DYNC2I1: variants seen among roughly 807,000 people sequenced by gnomAD.
DYNC2I1 encodes dynein 2 intermediate chain 1.
In DYNC2I1, 89 loss-of-function variants were observed where a neutral mutation model predicts 133.4. That is an observed-to-expected ratio of 0.67 (90% CI 0.56 to 0.80). DYNC2I1 has a LOEUF of 0.80. Among genes scored for constraint, DYNC2I1 ranks in the 30% least tolerant of loss-of-function variants. DYNC2I1 has a pLI of 0.00. For synonymous variants in DYNC2I1, 504 were observed against 484.3 expected (o/e 1.04, Z -0.54); for missense variants, 1,291 against 1,314.5 (o/e 0.98, Z 0.28).
At chr7:158,856,800 C>T in intron 1 of DYNC2I1, 50 bp downstream of exon 1, 2 of 1,231,158 alleles carry the variant, frequency 1.6e-6, no homozygotes, top group Non-Finnish European at 2.0e-6. Flanking sequence ...TTCGCGGACT[C>T]CTTCGGGCGC....
In DYNC2I1 at chr7:158,856,757, G is replaced by A; in HGVS notation, c.15+7G>A. On this transcript the variant is annotated splice_region_variant and intron_variant, in intron 1 of 24. Transcript: ENST00000407559. ...AGCGATGGAGCCCGGGAAGGTCGGT[G>A]CGGCGCTGGGTCTGGGCGAGGGGTG... The A allele has an allele frequency of 8.1e-7, 1 of 1,234,724 alleles. No individual in the cohort carries two copies. The highest frequency in any genetic ancestry group is 1.0e-6 in the Non-Finnish European group (1 of 986,902). 76.5% of individuals were successfully genotyped at this position (1,234,724 alleles called of 1,614,324 possible). A position where few individuals can be genotyped will look rare whatever the true frequency, so the allele number is the denominator to read the frequency against.
intron 14 of DYNC2I1, 21 bp from the exon 15 acceptor site, chr7:158,918,719 C>T (rs1848726964): frequency 1.2e-6 from 2 of 1,610,460 alleles, no homozygotes; most frequent in East Asian, 2.2e-5. Context: ...TTATTAAAGA[C>T]TACTCACTTA....
intron 19 of DYNC2I1, among the ~76,000 whole-genome samples, chr7:158,926,714 A>G (rs1849665544): frequency 6.6e-6 from 1 of 152,234 alleles, no homozygotes; most frequent in African/African-American, 2.4e-5. Context: ...TGAGAAGGGA[A>G]CAAAATGTTA....
At chr7:158,858,212 T>G (rs374209093) in intron 1 of DYNC2I1, among the ~76,000 whole-genome samples, 17 of 152,228 alleles carry the variant, frequency 1.1e-4, no homozygotes, top group African/African-American at 4.1e-4. Flanking sequence ...GCTATTCTCT[T>G]TACATTTCTT....
chr7:158,887,003 A>G lies in DYNC2I1; in HGVS notation c.936-18A>G, dbSNP rs1490787904. 1.9e-6 allele frequency: 3 copies of G among 1,612,228 alleles called. No homozygotes were observed. Among genetic ancestry groups the G allele is most frequent in the African/African-American group, 2.7e-5 (2 of 75,000 alleles). On this transcript the variant is annotated intron_variant, in intron 6 of 24. Coordinates refer to ENST00000407559, the MANE Select transcript of DYNC2I1 (RefSeq NM_018051.5). ...TCATTTAAAGTAAGTTTTGATTTTG[A>G]TTATGTTTGCTTTCCAGGCATGCTG...
At chr7:158,917,996 C>T (rs1270172856) in intron 14 of DYNC2I1, among the ~76,000 whole-genome samples, 2 of 152,032 alleles carry the variant, frequency 1.3e-5, no homozygotes, top group African/African-American at 2.4e-5. Flanking sequence ...TTGGCTTTCA[C>T]TGTCTGTTTC....
At chr7:158,841,186 TATATATATATATATATATATATATATA>T in the DYNC2I1 span, among the ~76,000 whole-genome samples, 2 of 56,522 alleles carry the variant, frequency 3.5e-5, no homozygotes, top group Non-Finnish European at 6.1e-5. Context: ...TATATATATA[TATATATATATATATATATATATATATA>T]TATATATATT....
chr7:158,912,534 C>A (rs772758690), intron 12 of DYNC2I1, among the ~76,000 whole-genome samples: 12 of 152,174 alleles, frequency 7.9e-5, no homozygotes, highest in African/African-American at 2.9e-4. Flanking sequence ...TCATATCTCA[C>A]TGTAGCCTTG....
chr7:158,945,669 G>A lies in DYNC2I1; in HGVS notation c.3091G>A (p.Asp1031Asn), dbSNP rs1488609745. The part of the protein sequence containing the change: ...LVLARASGSI[D>N]IQHLKRRWAA... Reference sequence around the variant, plus strand: ...GCTGGCCAGGGCGTCTGGCTCCATCGACATCCAGCACCTGAAGAGGCGGTG... The same window carrying A: ...GCTGGCCAGGGCGTCTGGCTCCATCAACATCCAGCACCTGAAGAGGCGGTG... Residue 1031 changes from aspartate (D) to asparagine (N), a missense_variant, in exon 25 of 25, where the codon GAC becomes AAC. Physicochemically the swap from Asp to Asn is conservative, Grantham distance 23. Transcript: ENST00000407559. The surrounding 1 kb of genome is among the most constrained non-coding windows in gnomAD (Gnocchi z 4.1). 5.6e-6 allele frequency: 9 copies of A among 1,612,710 alleles called. No homozygotes were observed. The highest frequency in any genetic ancestry group is 4.5e-5 in the East Asian group (2 of 44,844).
the DYNC2I1 span, among the ~76,000 whole-genome samples, chr7:158,848,388 G>A: frequency 3.3e-5 from 5 of 152,056 alleles, no homozygotes; most frequent in Admixed American, 6.6e-5. Context: ...ATTTTACATG[G>A]GCACCTTGCG....
At chr7:158,926,861 A>G in intron 19 of DYNC2I1, 131 bp from the exon 20 acceptor site, 1 of 666,672 alleles carries the variant, frequency 1.5e-6, no homozygotes, top group Non-Finnish European at 2.6e-6. Flanking sequence ...GCTAAAGATC[A>G]GTCTCTTTTT....
At chr7:158,889,165 C>T (rs1487433514) in intron 7 of DYNC2I1, among the ~76,000 whole-genome samples, 1 of 148,494 alleles carries the variant, frequency 6.7e-6, no homozygotes, top group Non-Finnish European at 1.5e-5. Flanking sequence ...ACTGCAAGCT[C>T]TGCCTCCCGG....
At chr7:158,918,548 TTTAG>T (rs370614436) in intron 14 of DYNC2I1, among the ~76,000 whole-genome samples, 188 bp from the exon 15 acceptor site, 14 of 152,314 alleles carry the variant, frequency 9.2e-5, no homozygotes, top group African/African-American at 3.4e-4. Flanking sequence ...CCTGTGGAGT[TTTAG>T]TTAATCTTAC....
At chr7:158,897,051 T>A (rs1845826025) in intron 8 of DYNC2I1, among the ~76,000 whole-genome samples, 1 of 151,070 alleles carries the variant, frequency 6.6e-6, no homozygotes, top group Non-Finnish European at 1.5e-5. Flanking sequence ...TGGCACGGTC[T>A]CAGATCGCTG....
intron 23 of DYNC2I1, among the ~76,000 whole-genome samples, chr7:158,935,190 G>A (rs369890545): frequency 4.1e-4 from 62 of 152,270 alleles, no homozygotes; most frequent in African/African-American, 1.3e-3. Context: ...GATGGCCGTC[G>A]GGCAGGCAGC....
intron 2 of DYNC2I1, among the ~76,000 whole-genome samples, chr7:158,870,259 C>A (rs905848257): frequency 6.6e-6 from 1 of 152,194 alleles, no homozygotes; most frequent in African/African-American, 2.4e-5. Flanking sequence ...TTGTATGGGG[C>A]CCAGGCGGTT....
intron 3 of DYNC2I1, among the ~76,000 whole-genome samples, chr7:158,873,598 TA>T (rs1453988698): frequency 6.6e-6 from 1 of 152,216 alleles, no homozygotes; most frequent in Non-Finnish European, 1.5e-5. Context: ...TTGTTTTCTT[TA>T]AAAATATATT....
At chr7:158,884,423 T>C (rs1235782955) in intron 5 of DYNC2I1, 141 bp from the exon 6 acceptor site, 2 of 611,570 alleles carry the variant, frequency 3.3e-6, no homozygotes, top group South Asian at 2.7e-5. Flanking sequence ...CTGGTAAAAA[T>C]AGTTATTTTA....
At chr7:158,925,049 C>T (rs977987653) in intron 17 of DYNC2I1, among the ~76,000 whole-genome samples, 8 of 152,200 alleles carry the variant, frequency 5.3e-5, no homozygotes, top group Admixed American at 3.3e-4. Flanking sequence ...AGCCACCGCA[C>T]CCGGCCTTGT....
Sources: gnomAD v4.1 joint callset for allele counts (sites outside exome capture counted in the v4.1 genomes callset) on GRCh38, gnomAD v4.1.1 for gene constraint, Gnocchi (gnomAD v3.1) non-coding constraint, MANE v1.5 for transcripts, NCBI Gene and HGNC (gene_info 2026-07-23, HGNC 2026-07-21) for gene names.